The following MED14 variants were observed in gnomAD, a reference collection of about 807,000 sequenced individuals.
The protein encoded by MED14 is mediator of RNA polymerase II transcription subunit 14.
In MED14, 8 loss-of-function variants were observed where a neutral mutation model predicts 109.0. The ratio of observed to expected loss-of-function variants is 0.07; its 90% CI spans 0.04 to 0.13. MED14 has a LOEUF of 0.13. Ranked by LOEUF, MED14 falls within the 10% of genes least tolerant of loss-of-function variation. The probability of loss-of-function intolerance (pLI) is 1.00; values close to 1 mark genes in which losing one functional copy is unlikely to be tolerated. For missense variants in MED14, 711 were observed against 1,142.4 expected (o/e 0.62, Z 5.44); for synonymous variants, 399 against 408.7 (o/e 0.98, Z 0.29).
chrX:40,708,589 C>T (rs1931230991), intron 10 of MED14, among the ~76,000 whole-genome samples: 1 of 111,918 alleles, frequency 8.9e-6, no homozygotes, highest in African/African-American at 3.2e-5. Context: ...AGACTGTGCA[C>T]TGTGGGCACA....
chrX:40,655,249 AT>A, intron 28 of MED14, among the ~76,000 whole-genome samples, 189 bp from the exon 29 acceptor site: 1 of 111,787 alleles, frequency 8.9e-6, no homozygotes, highest in East Asian at 2.8e-4. Flanking sequence ...CTGTGGACTT[AT>A]GTAAGATTTT....
chrX:40,709,246 A>C, intron 10 of MED14, 102 bp downstream of exon 10: 1 of 368,634 alleles, frequency 2.7e-6, no homozygotes, highest in East Asian at 4.8e-5. Context: ...TTCCACAATA[A>C]AAGCAAAATA....
At position 40,711,565 on chromosome X, in the gene MED14, G is replaced by A. The variant is rs187542783; in HGVS notation, c.890-264C>T. Among the ~76,000 whole-genome samples, 56 of 111,490 alleles carry A rather than the reference G, an allele frequency of 5.0e-4. No homozygotes were observed. In the East Asian group the frequency reaches 0.014, roughly 28 times the overall value. ...GTGTCTTAATTCATCATAGTTTAGAGAACATGGATTGACCAAATAGTACTA... is the reference window on the plus strand; with the variant it reads ...GTGTCTTAATTCATCATAGTTTAGAAAACATGGATTGACCAAATAGTACTA... On this transcript the variant is annotated intron_variant, in intron 7 of 30. Coordinates refer to ENST00000324817, the MANE Select transcript of MED14 (RefSeq NM_004229.4).
chrX:40,717,246 C>T (rs752150888), intron 3 of MED14, among the ~76,000 whole-genome samples: 31 of 107,872 alleles, frequency 2.9e-4, no homozygotes, highest in Non-Finnish European at 2.3e-4. Context: ...CATGTACCCT[C>T]AAAATATGTA....
At chrX:40,731,080 G>A (rs1341256584) in intron 1 of MED14, among the ~76,000 whole-genome samples, 1 of 108,574 alleles carries the variant, frequency 9.2e-6, no homozygotes, top group African/African-American at 3.4e-5. Context: ...AGTCAAGGCT[G>A]CAGTGAGCCA....
At position 40,709,418 on chromosome X, in the gene MED14, G is replaced by C. The variant is rs1013189648; in HGVS notation, c.1215C>G (p.Val405=). The C allele has an allele frequency of 1.7e-6, 2 of 1,144,022 alleles. No homozygotes were observed. Among genetic ancestry groups the C allele is most frequent in the Non-Finnish European group, 2.3e-6 (2 of 852,628 alleles). 94.3% of individuals were successfully genotyped at this position (1,144,022 alleles called of 1,213,427 possible). ...LSIEKLLIDS[V]HARAHQKLQE... Reference sequence around the variant, plus strand: ...GGAGCTTCTGATGAGCTCTTGCATGGACACTGTCAATCAGGAGTTTTTCTA... The same window carrying C: ...GGAGCTTCTGATGAGCTCTTGCATGCACACTGTCAATCAGGAGTTTTTCTA... The change falls in exon 10 of 31, where the codon GTC becomes GTG. Residue 405 remains valine (V), a synonymous_variant. Transcript: ENST00000324817.
chrX:40,729,570 A>C, intron 1 of MED14: 1 of 392,379 alleles, frequency 2.5e-6, no homozygotes, highest in Non-Finnish European at 4.4e-6. Flanking sequence ...CATTCAAAAT[A>C]CTTCAAAATG....
chrX:40,692,167 G>A lies in MED14; in HGVS notation c.1980+16C>T, dbSNP rs1430797962. On this transcript the variant is annotated intron_variant, in intron 15 of 30. Transcript: ENST00000324817. ...TCTTTCATTTGGGGTATCCAGAACT[G>A]TTCCAAAAAACTTACCTCCAACCGA... 4 of 1,206,003 alleles carry A rather than the reference G, an allele frequency of 3.3e-6. No homozygotes were observed. The highest frequency in any genetic ancestry group is 3.4e-6 in the Non-Finnish European group (3 of 892,052).
Position 40,680,035 on chromosome X carries a change from G to C in MED14, c.2709C>G (p.Cys903Trp). ...LTQRTNTAYQ[C>W]FSILPQSSTH... is the part of the protein sequence containing the mutation. ...TGGACGACTGTGGCAGAATGGAGAA[G>C]CACTGGTAGGCAGTATTGGTTCTCT... is the stretch of plus-strand genomic sequence containing the variant. Residue 903 changes from cysteine (C) to tryptophan (W), a missense_variant, in exon 21 of 31, where the codon TGC becomes TGG. Coordinates refer to ENST00000324817, the MANE Select transcript of MED14 (RefSeq NM_004229.4). The C allele has an allele frequency of 8.3e-7, 1 of 1,209,819 alleles. No homozygotes were observed. Among genetic ancestry groups the C allele is most frequent in the Non-Finnish European group, 1.1e-6 (1 of 893,764 alleles).
rs1928976410 is a variant in MED14 at position 40,654,201 on chromosome X, A to C, written c.4291+163T>G. 6.8e-6 allele frequency: 3 copies of C among 441,005 alleles called. No individual in the cohort carries two copies. In the South Asian group the frequency reaches 1.2e-4, roughly 18 times the overall value. 36.3% of individuals were successfully genotyped at this position (441,005 alleles called of 1,213,427 possible). A position where few individuals can be genotyped will look rare whatever the true frequency, so the allele number is the denominator to read the frequency against. ...ATGAAGAACCAGTGAGAAAGGAAGA[A>C]AGCGACAGGCAGACATTAAGAGGGC... On this transcript the variant is annotated intron_variant, in intron 30 of 30. Transcript: ENST00000324817.
chrX:40,651,011 C>T lies in MED14; in HGVS notation c.*795G>A. ...TGATCAATACGAACCACATACTGTCCCTTCTCAAAGACTAAGTTCCTTATT... is the reference window on the plus strand; with the variant it reads ...TGATCAATACGAACCACATACTGTCTCTTCTCAAAGACTAAGTTCCTTATT... On this transcript the variant is annotated 3_prime_UTR_variant, in exon 31 of 31. Coordinates refer to ENST00000324817, the MANE Select transcript of MED14 (RefSeq NM_004229.4). The T allele has an allele frequency of 1.3e-6, 1 of 752,490 alleles. No individual in the cohort carries two copies. The allele number at this position is 752,490 out of a possible 1,213,427, so 62.0% of individuals were successfully genotyped here.
At chrX:40,657,102 T>C (rs1929078178) in intron 28 of MED14, among the ~76,000 whole-genome samples, 1 of 111,343 alleles carries the variant, frequency 9.0e-6, no homozygotes, top group South Asian at 3.8e-4. Flanking sequence ...TTGGCCAGGA[T>C]GGTCTCAAAC....
chrX:40,674,607 A>G (rs905231403), intron 22 of MED14, among the ~76,000 whole-genome samples: 1 of 112,125 alleles, frequency 8.9e-6, no homozygotes, highest in Non-Finnish European at 1.9e-5. Context: ...CAGAGTCTAC[A>G]GCCCCATTGA....
intron 16 of MED14, among the ~76,000 whole-genome samples, chrX:40,686,714 C>T (rs1360723185): frequency 1.8e-5 from 2 of 111,925 alleles, no homozygotes; most frequent in African/African-American, 6.5e-5. Context: ...AATTGCAGAG[C>T]TGCTATGTCT....
chrX:40,659,902 G>C (rs780647573), intron 26 of MED14: 2 of 178,430 alleles, frequency 1.1e-5, no homozygotes, highest in East Asian at 1.1e-4. Context: ...CAATGTGATA[G>C]AAAACATAGG....
intron 10 of MED14, among the ~76,000 whole-genome samples, chrX:40,706,766 C>A (rs1182372816): frequency 9.0e-6 from 1 of 111,492 alleles, no homozygotes; most frequent in Admixed American, 9.5e-5. Context: ...TATCCCTTGG[C>A]AATCATAGTT....
At chrX:40,693,945 T>G (rs993130856) in intron 13 of MED14, among the ~76,000 whole-genome samples, 3 of 111,328 alleles carry the variant, frequency 2.7e-5, no homozygotes, top group African/African-American at 9.8e-5. Context: ...GTCACCCAGC[T>G]GGAGTGCAGT....
At chrX:40,725,242 C>G (rs2146737370) in intron 3 of MED14, among the ~76,000 whole-genome samples, 1 of 111,627 alleles carries the variant, frequency 9.0e-6, no homozygotes, top group South Asian at 3.7e-4. Flanking sequence ...TGAATTCTAC[C>G]AAACATTTAA....
intron 16 of MED14, among the ~76,000 whole-genome samples, chrX:40,683,824 T>C (rs1184417803): frequency 1.8e-5 from 2 of 112,305 alleles, no homozygotes; most frequent in Non-Finnish European, 3.8e-5. Context: ...TCATTTAACA[T>C]ACATATTGTC....
Sources: gnomAD v4.1 joint callset for allele counts (sites outside exome capture counted in the v4.1 genomes callset) on GRCh38, gnomAD v4.1.1 for gene constraint, MANE v1.5 for transcripts, NCBI Gene and HGNC (gene_info 2026-07-23, HGNC 2026-07-21) for gene names.